Variants in JOSD2 observed in about 807,000 individuals in gnomAD.
JOSD2 encodes josephin-2.
JOSD2 carries 20 observed loss-of-function variants against 19.3 expected under a neutral mutation model. The ratio of observed to expected loss-of-function variants is 1.04; its 90% CI spans 0.73 to 1.51. The LOEUF (loss-of-function observed/expected upper bound fraction) is 1.51, where lower values mean the gene tolerates loss of function less well. Ranked by LOEUF, JOSD2 falls within the 40% of genes most tolerant of loss-of-function variation. The probability of loss-of-function intolerance (pLI) is 0.00; values close to 1 mark genes in which losing one functional copy is unlikely to be tolerated. For missense variants in JOSD2, 215 were observed against 250.4 expected (o/e 0.86, Z 0.95); for synonymous variants, 118 against 123.7 (o/e 0.95, Z 0.31).
chr19:50,510,930 T>G (rs376509052), intron 1 of JOSD2, 187 bp downstream of exon 1: 1 of 355,162 alleles, frequency 2.8e-6, no homozygotes, highest in Non-Finnish European at 5.7e-6. Context: ...TCCCCGGTCA[T>G]GTAGCAGCGA....
chr19:50,510,080 G>GGATT (rs1979676610), intron 2 of JOSD2: 1 of 404,718 alleles, frequency 2.5e-6, no homozygotes, highest in African/African-American at 2.8e-5. Context: ...AAGAACCACT[G>GGATT]GATTGAGGTC....
At position 50,506,418 on chromosome 19, in the gene JOSD2, G is replaced by C; in HGVS notation, c.427C>G (p.Leu143Val). 6.2e-7 allele frequency: 1 copy of C among 1,605,622 alleles called. No homozygotes were observed. Among genetic ancestry groups the C allele is most frequent in the African/African-American group, 1.3e-5 (1 of 74,908 alleles). The change falls in exon 4 of 5, where the codon CTG becomes GTG. Residue 143 changes from leucine to valine, a missense_variant. Coordinates refer to ENST00000598418, the MANE Select transcript of JOSD2 (RefSeq NM_001270639.2). ...TCCCCCAGGGCCTCGGGCGCCCGCA[G>C]CTTGGAGTCCAGGTTGTAGTAGACA... Reference protein sequence around the residue: ...DGVYYNLDSKLRAPEALGDED... With the variant: ...DGVYYNLDSKVRAPEALGDED...
At chr19:50,509,204 A>C (rs1354884252) in intron 2 of JOSD2, among the ~76,000 whole-genome samples, 3 of 150,588 alleles carry the variant, frequency 2.0e-5, no homozygotes, top group Non-Finnish European at 4.4e-5. Flanking sequence ...TAGCCTCCAG[A>C]GTAGCTGGGA....
chr19:50,507,045 G>A (rs993570991), intron 3 of JOSD2, among the ~76,000 whole-genome samples: 2 of 134,170 alleles, frequency 1.5e-5, no homozygotes, highest in Admixed American at 7.4e-5. Flanking sequence ...CCACCTCCCC[G>A]TCAACCACCC....
intron 1 of JOSD2, among the ~76,000 whole-genome samples, chr19:50,510,698 C>CT (rs1343591792): frequency 6.6e-6 from 1 of 152,086 alleles, no homozygotes; most frequent in Non-Finnish European, 1.5e-5. Context: ...CACCAGGTCT[C>CT]TAAGTAAAAG....
rs58475114 is a variant in JOSD2 at position 50,508,698 on chromosome 19, CGTGTGTGTGTGT to C, written c.147-1011_147-1000del. ...AGGCAGGACATGGGAGGAAAACGCT[CGTGTGTGTGTGT>C]GTGTGTGTGTGTGTGTGTGTGTGTG... On this transcript the variant is annotated intron_variant, in intron 2 of 4. Coordinates refer to ENST00000598418, the MANE Select transcript of JOSD2 (RefSeq NM_001270639.2). 6.2e-3 allele frequency among the ~76,000 whole-genome samples: 880 copies of C among 140,910 alleles called. 10 individuals carry two copies. The highest frequency in any genetic ancestry group is 0.01 in the Non-Finnish European group (663 of 64,902). The allele number at this position is 140,910 out of a possible 152,430, so 92.4% of individuals were successfully genotyped here. A position where few individuals can be genotyped will look rare whatever the true frequency, so the allele number is the denominator to read the frequency against.
At chr19:50,508,118 T>A in intron 2 of JOSD2, 1 of 267,596 alleles carries the variant, frequency 3.7e-6, no homozygotes, top group Non-Finnish European at 7.3e-6. Flanking sequence ...TCCAGTCCAT[T>A]CCCACACGGC....
intron 2 of JOSD2, among the ~76,000 whole-genome samples, chr19:50,508,937 A>AG (rs1646863708): frequency 6.6e-6 from 1 of 151,844 alleles, no homozygotes; most frequent in Non-Finnish European, 1.5e-5. Flanking sequence ...GAGGCAGGGG[A>AG]GGCAGGGCCA....
At chr19:50,509,046 A>G (rs1285576530) in intron 2 of JOSD2, among the ~76,000 whole-genome samples, 2 of 149,284 alleles carry the variant, frequency 1.3e-5, no homozygotes, top group Non-Finnish European at 3.0e-5. Flanking sequence ...GTCAGGCCTG[A>G]GCTGGGGCCA....
Position 50,506,157 on chromosome 19 carries a change from C to G in JOSD2, c.*16G>C. On this transcript the variant is annotated 3_prime_UTR_variant, in exon 5 of 5. Coordinates refer to ENST00000598418, the MANE Select transcript of JOSD2 (RefSeq NM_001270639.2). Reference sequence around the variant, plus strand: ...TGCGCAGGGACTGCGCTGTGGGCGCCGATGGTCAGCCATGGTCAGTCTGTC... The same window carrying G: ...TGCGCAGGGACTGCGCTGTGGGCGCGGATGGTCAGCCATGGTCAGTCTGTC... 6.2e-7 allele frequency: 1 copy of G among 1,610,664 alleles called. No homozygotes were observed. The highest frequency in any genetic ancestry group is 8.5e-7 in the Non-Finnish European group (1 of 1,178,654).
rs1009633937 is a variant in JOSD2 at position 50,507,642 on chromosome 19, A to G, written c.204T>C (p.Tyr68=). The change falls in exon 3 of 5, where the codon TAT becomes TAC. Residue 68 remains tyrosine, a synonymous_variant. Coordinates refer to ENST00000598418, the MANE Select transcript of JOSD2 (RefSeq NM_001270639.2). ...PHRSLLGTGN[Y]DVNVIMAALQ... Reference sequence around the variant, plus strand: ...GAGCGGCCATGATCACATTGACATCATAGTTGCCGGTGCCCAGGAGGCTGC... The same window carrying G: ...GAGCGGCCATGATCACATTGACATCGTAGTTGCCGGTGCCCAGGAGGCTGC... 7.4e-6 allele frequency: 12 copies of G among 1,611,692 alleles called. No individual in the cohort carries two copies. The highest frequency in any genetic ancestry group is 9.3e-6 in the Non-Finnish European group (11 of 1,179,910).
At chr19:50,506,660 G>T in intron 3 of JOSD2, 88 bp from the exon 4 acceptor site, 2 of 1,252,648 alleles carry the variant, frequency 1.6e-6, no homozygotes, top group Non-Finnish European at 1.1e-6. Flanking sequence ...CAGGCTGGTG[G>T]TGGTGAGGGC....
chr19:50,508,126 G>T (rs186398929), intron 2 of JOSD2: 143 of 249,908 alleles, frequency 5.7e-4, no homozygotes, highest in Admixed American at 7.6e-4. Context: ...ATTCCCACAC[G>T]GCCCTGGCCC....
rs774734512 is a variant in JOSD2, at chr19:50,506,477, C to T, written c.368G>A (p.Arg123Gln). 10 of 1,572,726 alleles carry T rather than the reference C, an allele frequency of 6.4e-6. No individual in the cohort carries two copies. The highest frequency in any genetic ancestry group is 2.4e-5 in the East Asian group (1 of 42,290). Reference protein sequence around the residue: ...SLGLLSLPLRRRHWVALRQVD... With the variant: ...SLGLLSLPLRQRHWVALRQVD... The stretch of plus-strand genomic sequence containing the variant: ...CTGGCGCAGGGCCACCCAGTGCCGC[C>T]GGCGCAGCGGCAGTGACAGCAGCCC... Residue 123 changes from arginine to glutamine, a missense_variant, in exon 4 of 5, where the codon CGG becomes CAG. Transcript: ENST00000598418.
chr19:50,506,449 C>T lies in JOSD2; in HGVS notation c.396G>A (p.Val132=), dbSNP rs1229045212. The T allele has an allele frequency of 6.3e-7, 1 of 1,595,500 alleles. No individual in the cohort carries two copies. Among genetic ancestry groups the T allele is most frequent in the Non-Finnish European group, 8.5e-7 (1 of 1,172,182 alleles). ...RRRHWVALRQ[V]DGVYYNLDSK... ...AGTCCAGGTTGTAGTAGACACCGTC[C>T]ACCTGGCGCAGGGCCACCCAGTGCC... The change falls in exon 4 of 5, where the codon GTG becomes GTA. Residue 132 remains valine, a synonymous_variant. Transcript: ENST00000598418.
In JOSD2 at chr19:50,511,108, G is replaced by A; in HGVS notation, c.-18+9C>T. ...CGGCGCTCGCCCTTTGCCTGGCAACGCCCCTCACCCCGCCTGCCTCTCCGC... is the reference window on the plus strand; with the variant it reads ...CGGCGCTCGCCCTTTGCCTGGCAACACCCCTCACCCCGCCTGCCTCTCCGC... On this transcript the variant is annotated intron_variant, in intron 1 of 4. Transcript: ENST00000598418. 1 of 452,470 alleles carries A rather than the reference G, an allele frequency of 2.2e-6. No individual in the cohort carries two copies. Among genetic ancestry groups the A allele is most frequent in the Non-Finnish European group, 4.4e-6 (1 of 225,136 alleles). 28.0% of individuals were successfully genotyped at this position (452,470 alleles called of 1,614,324 possible).
Position 50,507,565 on chromosome 19 carries a change from G to C in JOSD2, c.272+9C>G. 2 of 1,601,220 alleles carry C rather than the reference G, an allele frequency of 1.2e-6. No homozygotes were observed. The highest frequency in any genetic ancestry group is 8.5e-7 in the Non-Finnish European group (1 of 1,178,760). ...GGCCCAGCACATGCTGTGCTGCTCT[G>C]GGGCCTACCTCCTCCTGTCCCACCA... On this transcript the variant is annotated intron_variant, in intron 3 of 4. Coordinates refer to ENST00000598418, the MANE Select transcript of JOSD2 (RefSeq NM_001270639.2).
chr19:50,506,514 GC>G lies in JOSD2; in HGVS notation c.330del (p.Val112CysfsTer62). 6.4e-7 allele frequency: 1 copy of G among 1,553,874 alleles called. No individual in the cohort carries two copies. Among genetic ancestry groups the G allele is most frequent in the Non-Finnish European group, 8.7e-7 (1 of 1,149,334 alleles). ...AGTGACAGCAGCCCCAGCGACACGG[GC>G]GAGGGCAGGTTCAGGATCAGCCCCA... ...QVLGLILNLP[S>X]PVSLGLLSLP... On this transcript the variant is annotated frameshift_variant, in exon 4 of 5. Transcript: ENST00000598418. LOFTEE classifies it high-confidence loss of function.
intron 1 of JOSD2, among the ~76,000 whole-genome samples, chr19:50,510,862 T>TC (rs1979782844): frequency 6.6e-6 from 1 of 150,790 alleles, no homozygotes; most frequent in African/African-American, 2.5e-5. Flanking sequence ...AGAATCCTCC[T>TC]CCCCTGTCTC....
Sources: allele counts gnomAD v4.1 joint callset (sites outside exome capture counted in the v4.1 genomes callset), GRCh38; gene constraint gnomAD v4.1.1; transcripts MANE v1.5; gene names NCBI Gene and HGNC (gene_info 2026-07-23, HGNC 2026-07-21).